The following CD320 variants were observed in gnomAD, a reference collection of about 807,000 sequenced individuals.
CD320 encodes CD320 molecule, also known as CD320 antigen.
CD320 carries 16 observed loss-of-function variants against 22.1 expected under a neutral mutation model. The observed-to-expected ratio is 0.73, with a 90% CI of 0.49 to 1.10. The LOEUF (loss-of-function observed/expected upper bound fraction) is 1.10, where lower values mean the gene tolerates loss of function less well. CD320 is among the 50% of genes least tolerant of loss of function. The pLI is 0.00. For missense variants in CD320, 388 were observed against 376.9 expected, an observed-to-expected ratio of 1.03 and a Z score of -0.24; for synonymous variants, 188 against 167.8, an observed-to-expected ratio of 1.12 and a Z score of -0.93.
At chr19:8,307,920 G>T (rs998696286) in intron 1 of CD320, among the ~76,000 whole-genome samples, 1 of 152,156 alleles carries the variant, frequency 6.6e-6, no homozygotes, top group Non-Finnish European at 1.5e-5. Context: ...GTGCAGGGCC[G>T]GAGCAAAACC....
chr19:8,305,056 G>C lies in CD320; in HGVS notation c.243C>G (p.Ser81Arg), dbSNP rs1270011586. The C allele has an allele frequency of 6.2e-7, 1 of 1,610,704 alleles. No homozygotes were observed. Among genetic ancestry groups the C allele is most frequent in the Non-Finnish European group, 8.5e-7 (1 of 1,179,894 alleles). ...TWRCDRDLDC[S>R]DGSDEEECRI... The stretch of plus-strand genomic sequence containing the variant: ...TGCACTCCTCCTCATCGCTGCCATC[G>C]CTGCAGTCCAAGTCCCTGTCGCAGC... Residue 81 changes from serine to arginine, a missense_variant, in exon 2 of 5, where the codon AGC (serine) becomes AGG (arginine). Transcript: ENST00000301458.
chr19:8,304,998 CT>C (rs745981007), intron 2 of CD320, 32 bp downstream of exon 2: 4 of 1,599,338 alleles, frequency 2.5e-6, no homozygotes, highest in East Asian at 2.2e-5. Flanking sequence ...GCCCCGCCCC[CT>C]GTAAGCCCCG....
chr19:8,304,109 G>C, intron 2 of CD320, 21 bp from the exon 3 acceptor site: 1 of 1,310,446 alleles, frequency 7.6e-7, no homozygotes, highest in East Asian at 2.5e-5. Context: ...GGGTTGGTCA[G>C]GTCCCAAATG....
intron 1 of CD320, 125 bp from the exon 2 acceptor site, chr19:8,305,281 C>T (rs975463459): frequency 1.8e-5 from 22 of 1,228,880 alleles, no homozygotes; most frequent in East Asian, 2.6e-5. Flanking sequence ...ACCACACTGG[C>T]GGCTGCTTGT....
intron 2 of CD320, 136 bp downstream of exon 2, chr19:8,304,895 G>A: frequency 1.0e-6 from 1 of 993,190 alleles, no homozygotes; most frequent in Non-Finnish European, 1.5e-6. Context: ...CGCTTCTTAT[G>A]ACCCACAGAC....
At chr19:8,308,025 C>T (rs1351573173) in intron 1 of CD320, 124 bp downstream of exon 1, 20 of 1,015,640 alleles carry the variant, frequency 2.0e-5, no homozygotes, top group Non-Finnish European at 2.4e-5. Flanking sequence ...AAGTCCAAGT[C>T]CACGTGCTGG....
At chr19:8,307,062 C>T (rs776039592) in intron 1 of CD320, among the ~76,000 whole-genome samples, 3 of 140,628 alleles carry the variant, frequency 2.1e-5, no homozygotes, top group Admixed American at 1.4e-4. Flanking sequence ...GAGGCTGAGG[C>T]GGACAGAACA....
intron 2 of CD320, 37 bp from the exon 3 acceptor site, chr19:8,304,125 C>T (rs1191279487): frequency 9.4e-7 from 1 of 1,066,342 alleles, no homozygotes; most frequent in South Asian, 1.4e-5. Flanking sequence ...AAATGCCCAC[C>T]CAAGAAGGCC....
Position 8,302,211 on chromosome 19 carries a change from C to A in CD320, c.*252G>T, listed in dbSNP as rs1599620277. On this transcript the variant is annotated 3_prime_UTR_variant, in exon 5 of 5. Transcript: ENST00000301458. ...ACAGGGCCGTTCTACCCCCTGGGAGCTGCCTGGGGCCAGCCCCTCAGTTCT... is the reference window on the plus strand; with the variant it reads ...ACAGGGCCGTTCTACCCCCTGGGAGATGCCTGGGGCCAGCCCCTCAGTTCT... 1 of 670,414 alleles carries A rather than the reference C, an allele frequency of 1.5e-6. No homozygotes were observed. The highest frequency in any genetic ancestry group is 1.5e-5 in the South Asian group (1 of 66,496). The allele number at this position is 670,414 out of a possible 1,614,324, so 41.5% of individuals were successfully genotyped here.
intron 2 of CD320, 74 bp downstream of exon 2, chr19:8,304,957 G>A: frequency 1.9e-6 from 3 of 1,554,570 alleles, no homozygotes; most frequent in South Asian, 1.1e-5. Context: ...CTCCACCTCC[G>A]CGTGCCTGGC....
In CD320 at chr19:8,302,388, A is replaced by G. The variant is rs778302532; in HGVS notation, c.*75T>C. The G allele has an allele frequency of 6.3e-7, 1 of 1,575,120 alleles. No individual in the cohort carries two copies. Among genetic ancestry groups the G allele is most frequent in the South Asian group, 1.1e-5 (1 of 90,108 alleles). On this transcript the variant is annotated 3_prime_UTR_variant, in exon 5 of 5. Coordinates refer to ENST00000301458, the MANE Select transcript of CD320 (RefSeq NM_016579.4). ...TCTCTGAGGGCTGGTGTGCCCGGGT[A>G]CCCATCCGCATCACTGCTCTCCTCC...
chr19:8,307,085 A>G (rs976747308), intron 1 of CD320, among the ~76,000 whole-genome samples: 2 of 152,122 alleles, frequency 1.3e-5, no homozygotes, highest in Non-Finnish European at 2.9e-5. Flanking sequence ...TGAGGTCAGG[A>G]GTTCGAGACC....
At position 8,308,220 on chromosome 19, in the gene CD320, A is replaced by G. The variant is rs1460234009; in HGVS notation, c.71T>C (p.Leu24Pro). ...CTCCAGGCCTAGTCCGAGGCCGAGC[A>G]GCAGCAGCAGCGCCAGGCCCAGAGC... Reference protein sequence around the residue: ...TGALGLALLLLLGLGLGLEAA... With the variant: ...TGALGLALLLPLGLGLGLEAA... Residue 24 changes from leucine to proline, a missense_variant, in exon 1 of 5, where the codon CTG becomes CCG. Physicochemically the swap from Leu to Pro is moderately conservative, Grantham distance 98. Coordinates refer to ENST00000301458, the MANE Select transcript of CD320 (RefSeq NM_016579.4). The G allele has an allele frequency of 6.3e-7, 1 of 1,576,820 alleles. No individual in the cohort carries two copies. Among genetic ancestry groups the G allele is most frequent in the East Asian group, 2.3e-5 (1 of 43,462 alleles).
chr19:8,302,627 A>G, intron 4 of CD320, 22 bp from the exon 5 acceptor site: 1 of 1,610,912 alleles, frequency 6.2e-7, no homozygotes, highest in South Asian at 1.1e-5. Context: ...AGATGGACAG[A>G]GGAGTAAGGA....
rs751834897 is a variant in CD320 at position 8,302,625 on chromosome 19, AGAG to A, written c.707-23_707-21del. On this transcript the variant is annotated intron_variant, in intron 4 of 4. Transcript: ENST00000301458. ...GCACCGCTGTGGGGAACAGATGGAC[AGAG>A]GAGTAAGGAGGGGGAAGGCAAGAGC... 1.2e-6 allele frequency: 2 copies of A among 1,611,872 alleles called. No individual in the cohort carries two copies. The highest frequency in any genetic ancestry group is 2.2e-5 in the East Asian group (1 of 44,808).
chr19:8,305,963 G>A (rs976175590), intron 1 of CD320: 4 of 152,248 alleles, frequency 2.6e-5, no homozygotes, highest in Admixed American at 2.6e-4. Flanking sequence ...GGAAACTGAG[G>A]CACTGGGTAG....
At chr19:8,308,002 CCCACA>C in intron 1 of CD320, 142 bp downstream of exon 1, 1 of 865,236 alleles carries the variant, frequency 1.2e-6, no homozygotes, top group Non-Finnish European at 1.7e-6. Context: ...TGCGCGCCTT[CCCACA>C]AGCGATGAAG....
chr19:8,308,166 G>T lies in CD320; in HGVS notation c.125C>A (p.Thr42Asn), dbSNP rs1207161392. ...TCACTCACCTGCGGCCTGGGCAGAG[G>T]TCGGGGTGGAAAGCGGGCTCGCGGC... Reference protein sequence around the residue: ...EAAASPLSTPTSAQAAGPSSG... With the variant: ...EAAASPLSTPNSAQAAGPSSG... The change falls in exon 1 of 5, where the codon ACC (threonine) becomes AAC (asparagine). Residue 42 changes from threonine to asparagine, a missense_variant. Physicochemically the swap from Thr to Asn is moderately conservative, Grantham distance 65 (BLOSUM62 0). Coordinates refer to ENST00000301458, the MANE Select transcript of CD320 (RefSeq NM_016579.4). 1.9e-6 allele frequency: 3 copies of T among 1,549,874 alleles called. No homozygotes were observed. In the South Asian group the frequency reaches 3.6e-5, roughly 18 times the overall value.
chr19:8,302,645 G>A, intron 4 of CD320, 40 bp from the exon 5 acceptor site: 1 of 1,609,288 alleles, frequency 6.2e-7, no homozygotes, highest in Non-Finnish European at 8.5e-7. Context: ...GGAGGGGGAA[G>A]GCAAGAGCCC....
Sources: gnomAD v4.1 joint callset for allele counts (sites outside exome capture counted in the v4.1 genomes callset) on GRCh38, gnomAD v4.1.1 for gene constraint, MANE v1.5 for transcripts, NCBI Gene and HGNC (gene_info 2026-07-23, HGNC 2026-07-21) for gene names.